The following CFAP47 variants were observed in gnomAD, a reference collection of about 807,000 sequenced individuals.
CFAP47 encodes cilia and flagella associated protein 47.
CFAP47 carries 29 observed loss-of-function variants against 148.1 expected under a neutral mutation model. The observed-to-expected ratio is 0.20, with a 90% CI of 0.15 to 0.27. CFAP47 has a LOEUF of 0.27. CFAP47 is among the 10% of genes least tolerant of loss of function. CFAP47 has a pLI of 1.00. For synonymous variants in CFAP47, 664 were observed against 577.3 expected, an observed-to-expected ratio of 1.15 and a Z score of -2.15; for missense variants, 1,872 against 1,697.5, an observed-to-expected ratio of 1.10 and a Z score of -1.81.
intron 30 of CFAP47, among the ~76,000 whole-genome samples, chrX:36,090,643 A>G (rs1165234499): frequency 8.9e-6 from 1 of 112,022 alleles, no homozygotes; most frequent in East Asian, 2.8e-4. Flanking sequence ...ATGACTTAAC[A>G]TTTAGAAAGT....
At chrX:36,096,121 G>A (rs1215987321) in intron 30 of CFAP47, among the ~76,000 whole-genome samples, 2 of 108,805 alleles carry the variant, frequency 1.8e-5, no homozygotes, top group African/African-American at 6.7e-5. Flanking sequence ...TGGTCACTCA[G>A]GAGCACATTT....
rs376232016 is a variant in CFAP47 at position 36,061,589 on chromosome X, A to G, written c.4218-4054A>G. ...TGTTAGATATTTAAGACACATATCAATGGATTTTTGTGCATGTGAGTAAAG... is the reference window on the plus strand; with the variant it reads ...TGTTAGATATTTAAGACACATATCAGTGGATTTTTGTGCATGTGAGTAAAG... On this transcript the variant is annotated intron_variant, in intron 26 of 63. Transcript: ENST00000378653. 2.3e-4 allele frequency among the ~76,000 whole-genome samples: 26 copies of G among 112,469 alleles called. 1 individual carries two copies. Among genetic ancestry groups the G allele is most frequent in the East Asian group, 1.4e-3 (5 of 3,575 alleles).
chrX:36,085,662 CACACAT>C, intron 30 of CFAP47, 124 bp downstream of exon 30: 1 of 343,834 alleles, frequency 2.9e-6, no homozygotes, highest in Non-Finnish European at 5.1e-6. Flanking sequence ...CACACACACA[CACACAT>C]AAATATACAC....
In CFAP47 at chrX:36,154,482, T is replaced by A. The variant is rs1255033417; in HGVS notation, c.5787-4944T>A. Among the ~76,000 whole-genome samples the A allele has an allele frequency of 2.7e-5, 3 of 112,364 alleles. No homozygotes were observed. The Admixed American group carries it at 2.8e-4, about 11-fold the overall frequency. On this transcript the variant is annotated intron_variant, in intron 37 of 63. Transcript: ENST00000378653. ...TTCTACCAGTATTCTTTTCACGAAC[T>A]TTTAGGTAATTTCTAAGAATGTTAA...
At chrX:36,107,433 T>C (rs1938484561) in intron 33 of CFAP47, among the ~76,000 whole-genome samples, 1 of 112,608 alleles carries the variant, frequency 8.9e-6, no homozygotes, top group Admixed American at 9.4e-5. Flanking sequence ...CTTTAAATCC[T>C]ATGTGAGCAC....
intron 42 of CFAP47, among the ~76,000 whole-genome samples, chrX:36,193,786 C>T (rs782642497): frequency 4.4e-4 from 49 of 111,614 alleles, no homozygotes; most frequent in African/African-American, 1.4e-3. Context: ...CCAGAAAACC[C>T]TCATCCTACA....
chrX:36,256,454 A>G (rs1361858055), intron 49 of CFAP47, among the ~76,000 whole-genome samples: 1 of 111,874 alleles, frequency 8.9e-6, no homozygotes, highest in Non-Finnish European at 1.9e-5. Context: ...TTAAGACTGT[A>G]TCATTTGGTA....
chrX:36,175,260 C>G (rs1939655510), intron 39 of CFAP47, among the ~76,000 whole-genome samples: 1 of 111,899 alleles, frequency 8.9e-6, no homozygotes, highest in African/African-American at 3.3e-5. Context: ...CCTCCCATAG[C>G]TCAGAGCAAT....
At position 35,975,664 on chromosome X, in the gene CFAP47, C is replaced by A; in HGVS notation, c.2472-8C>A. The stretch of plus-strand genomic sequence containing the variant: ...CAGTTAAATTTGGATGCTTTTGCTG[C>A]ATTACAGGTCTTTCACCTTTACAGT... On this transcript the variant is annotated splice_region_variant and splice_polypyrimidine_tract_variant and intron_variant, in intron 14 of 63. Transcript: ENST00000378653. 8.3e-7 allele frequency: 1 copy of A among 1,207,473 alleles called. No homozygotes were observed. Among genetic ancestry groups the A allele is most frequent in the Non-Finnish European group, 1.1e-6 (1 of 892,773 alleles).
At chrX:36,120,683 C>T (rs778630311) in intron 33 of CFAP47, among the ~76,000 whole-genome samples, 82 of 111,283 alleles carry the variant, frequency 7.4e-4, no homozygotes, top group Non-Finnish European at 1.4e-3. Flanking sequence ...AAATTTATCT[C>T]ATTATTCCTT....
Position 35,966,558 on chromosome X carries a change from T to A in CFAP47, c.1411-7T>A. The A allele has an allele frequency of 9.9e-7, 1 of 1,012,660 alleles. No individual in the cohort carries two copies. Among genetic ancestry groups the A allele is most frequent in the Non-Finnish European group, 1.3e-6 (1 of 784,091 alleles). 83.5% of individuals were successfully genotyped at this position (1,012,660 alleles called of 1,213,427 possible). On this transcript the variant is annotated splice_polypyrimidine_tract_variant and splice_region_variant and intron_variant, in intron 8 of 63. Coordinates refer to ENST00000378653, the MANE Select transcript of CFAP47 (RefSeq NM_001304548.2). The stretch of plus-strand genomic sequence containing the variant: ...ATTATTGGTTACTTTTCATCTTTTT[T>A]TTTTAGGATGTGATGTGTTCATTTG...
chrX:36,046,502 T>A (rs1021284637), intron 25 of CFAP47, among the ~76,000 whole-genome samples: 1 of 111,296 alleles, frequency 9.0e-6, no homozygotes, highest in African/African-American at 3.2e-5. Context: ...AGTTTGTACC[T>A]ATTAAAGTGA....
intron 42 of CFAP47, among the ~76,000 whole-genome samples, chrX:36,195,488 G>A (rs1308364241): frequency 8.9e-6 from 1 of 111,979 alleles, no homozygotes; most frequent in African/African-American, 3.2e-5. Flanking sequence ...AATTATTATT[G>A]AAGCAGGAAT....
At chrX:36,044,868 A>C (rs189409185) in intron 25 of CFAP47, among the ~76,000 whole-genome samples, 6 of 111,581 alleles carry the variant, frequency 5.4e-5, no homozygotes, top group Non-Finnish European at 1.1e-4. Context: ...ATTATTTTTT[A>C]TTTCTTTTTC....
At chrX:36,107,099 T>C (rs763190564) in intron 33 of CFAP47, among the ~76,000 whole-genome samples, 4 of 111,693 alleles carry the variant, frequency 3.6e-5, no homozygotes, top group Non-Finnish European at 5.6e-5. Context: ...TTCTGATTCA[T>C]TTTGCTACAA....
intron 21 of CFAP47, among the ~76,000 whole-genome samples, chrX:36,013,425 C>A (rs1354020728): frequency 8.9e-6 from 1 of 111,807 alleles, no homozygotes; most frequent in East Asian, 2.8e-4. Context: ...TGTGCATAAA[C>A]TAAAAGTCTC....
At chrX:36,204,890 G>A (rs1361149017) in intron 44 of CFAP47, 67 bp from the exon 45 acceptor site, 1 of 292,694 alleles carries the variant, frequency 3.4e-6, no homozygotes, top group African/African-American at 2.8e-5. Context: ...AATACATAAT[G>A]CTGTCTTTTG....
intron 24 of CFAP47, among the ~76,000 whole-genome samples, chrX:36,036,982 C>T: frequency 8.9e-6 from 1 of 112,114 alleles, no homozygotes; most frequent in African/African-American, 3.2e-5. Context: ...CTTTTTATTA[C>T]CTCTCTTTAA....
intron 33 of CFAP47, among the ~76,000 whole-genome samples, chrX:36,134,694 G>T (rs375206766): frequency 2.7e-5 from 3 of 110,654 alleles, no homozygotes; most frequent in Non-Finnish European, 3.8e-5. Context: ...ATATATACAC[G>T]TATATACATG....
Sources: allele counts gnomAD v4.1 joint callset (sites outside exome capture counted in the v4.1 genomes callset), GRCh38; gene constraint gnomAD v4.1.1; transcripts MANE v1.5; gene names NCBI Gene and HGNC (gene_info 2026-07-23, HGNC 2026-07-21).